The following PBX3 variants were observed in gnomAD, a reference collection of about 807,000 sequenced individuals.
PBX3 encodes PBX homeobox 3, also known as pre-B-cell leukemia transcription factor 3.
A neutral mutation model predicts 48.5 loss-of-function variants in PBX3; 14 were observed. The observed-to-expected ratio is 0.29, with a 90% CI of 0.19 to 0.45. The LOEUF (loss-of-function observed/expected upper bound fraction) is 0.45, where lower values mean the gene tolerates loss of function less well. Among genes scored for constraint, PBX3 ranks in the 20% least tolerant of loss-of-function variants. The pLI is 1.00. For synonymous variants in PBX3, 210 were observed against 200.3 expected (o/e 1.05, Z -0.41); for missense variants, 386 against 546.7 (o/e 0.71, Z 2.93).
intron 8 of PBX3, among the ~76,000 whole-genome samples, chr9:125,964,866 G>A (rs1842498986): frequency 6.6e-6 from 1 of 152,172 alleles, no homozygotes; most frequent in South Asian, 2.1e-4. Context: ...ATGTGAGGGA[G>A]GCAGGAGGCA....
chr9:125,955,661 C>T (rs920194485), intron 5 of PBX3, among the ~76,000 whole-genome samples: 5 of 152,112 alleles, frequency 3.3e-5, no homozygotes, highest in African/African-American at 7.2e-5. Flanking sequence ...TGGATTGAAA[C>T]GGAGGTCCCG....
intron 5 of PBX3, among the ~76,000 whole-genome samples, chr9:125,938,086 C>A (rs1021581179): frequency 1.3e-5 from 2 of 152,134 alleles, no homozygotes; most frequent in Admixed American, 1.3e-4. Flanking sequence ...CCCCTGAAAA[C>A]AGGCAACTGG....
intron 2 of PBX3, among the ~76,000 whole-genome samples, chr9:125,837,974 T>C (rs1195582529): frequency 1.3e-5 from 2 of 152,224 alleles, no homozygotes; most frequent in Admixed American, 1.3e-4. Flanking sequence ...ACTACCCTGT[T>C]GAAATGGTAG....
At chr9:125,801,588 T>G (rs1384982192) in intron 2 of PBX3, among the ~76,000 whole-genome samples, 2 of 152,166 alleles carry the variant, frequency 1.3e-5, no homozygotes, top group Non-Finnish European at 1.5e-5. Flanking sequence ...GATAAAGATT[T>G]TTTGCAGAAA....
At chr9:125,766,828 C>A (rs1836811121) in intron 2 of PBX3, among the ~76,000 whole-genome samples, 1 of 152,028 alleles carries the variant, frequency 6.6e-6, no homozygotes, top group South Asian at 2.1e-4. Context: ...ACAGATGGGT[C>A]ACGTCCAAAG....
At chr9:125,788,276 C>G (rs1223757896) in intron 2 of PBX3, among the ~76,000 whole-genome samples, 1 of 152,156 alleles carries the variant, frequency 6.6e-6, no homozygotes, top group Non-Finnish European at 1.5e-5. Context: ...TTACTAAATT[C>G]TTATTCTGGG....
chr9:125,775,306 G>A (rs905482329), intron 2 of PBX3, among the ~76,000 whole-genome samples: 7 of 152,070 alleles, frequency 4.6e-5, no homozygotes, highest in Admixed American at 2.0e-4. Context: ...TTGTGTGCTC[G>A]TTGGTCATTT....
intron 2 of PBX3, 144 bp from the exon 3 acceptor site, chr9:125,915,542 C>T: frequency 1.6e-6 from 1 of 629,678 alleles, no homozygotes; most frequent in Non-Finnish European, 2.7e-6. Flanking sequence ...ACTTACCGAT[C>T]AAATGTGAAC....
intron 3 of PBX3, among the ~76,000 whole-genome samples, chr9:125,920,337 T>C (rs1244166255): frequency 6.6e-6 from 1 of 152,198 alleles, no homozygotes; most frequent in Non-Finnish European, 1.5e-5. Flanking sequence ...AAAGGACCAC[T>C]GTTAGAATAG....
At chr9:125,937,765 C>T (rs1405520927) in intron 5 of PBX3, among the ~76,000 whole-genome samples, 2 of 152,078 alleles carry the variant, frequency 1.3e-5, no homozygotes, top group Non-Finnish European at 2.9e-5. Flanking sequence ...TGGGCTCAAG[C>T]AATCCTCCTG....
At chr9:125,748,812 G>C (rs778225265) in intron 2 of PBX3, 189 bp downstream of exon 2, 25 of 491,460 alleles carry the variant, frequency 5.1e-5, no homozygotes, top group Non-Finnish European at 8.1e-5. Flanking sequence ...TCTGCTCCTG[G>C]TGTAAAATGA....
At chr9:125,944,892 T>C (rs1271575070) in intron 5 of PBX3, among the ~76,000 whole-genome samples, 1 of 152,162 alleles carries the variant, frequency 6.6e-6, no homozygotes, top group East Asian at 1.9e-4. Context: ...TTTACCTCAC[T>C]GTGCCTCCTT....
intron 2 of PBX3, among the ~76,000 whole-genome samples, chr9:125,890,566 A>G (rs1840616644): frequency 6.6e-6 from 1 of 152,236 alleles, no homozygotes; most frequent in South Asian, 2.1e-4. Flanking sequence ...TGTTGTCACC[A>G]CTGCCTTCCC....
chr9:125,802,693 T>G (rs990960014), intron 2 of PBX3, among the ~76,000 whole-genome samples: 1 of 151,788 alleles, frequency 6.6e-6, no homozygotes, highest in African/African-American at 2.4e-5. Flanking sequence ...TTGTTTGTTT[T>G]TTTGAGACAG....
intron 2 of PBX3, among the ~76,000 whole-genome samples, chr9:125,891,286 T>C (rs1243858789): frequency 6.6e-6 from 1 of 152,216 alleles, no homozygotes; most frequent in Non-Finnish European, 1.5e-5. Context: ...ACTTACAATT[T>C]ATTATTATAG....
At position 125,769,152 on chromosome 9, in the gene PBX3, T is replaced by A. The variant is rs553273218; in HGVS notation, c.274+20529T>A. Among the ~76,000 whole-genome samples the A allele has an allele frequency of 1.1e-4, 16 of 152,278 alleles. No individual in the cohort carries two copies. In the East Asian group the frequency reaches 3.1e-3, roughly 29 times the overall value. On this transcript the variant is annotated intron_variant, in intron 2 of 8. Coordinates refer to ENST00000373489, the MANE Select transcript of PBX3 (RefSeq NM_006195.6). ...CTGTTTCATCAAGGACATTGTGAAG[T>A]GAAACTGGCCTTTAAAAAAAAATTT... is the stretch of plus-strand genomic sequence containing the variant.
At chr9:125,881,547 A>G (rs370132264) in intron 2 of PBX3, among the ~76,000 whole-genome samples, 2 of 152,170 alleles carry the variant, frequency 1.3e-5, no homozygotes, top group East Asian at 1.9e-4. Context: ...TTCTACCAGA[A>G]TCAATTTTTG....
chr9:125,862,965 G>T (rs1252375469), intron 2 of PBX3, among the ~76,000 whole-genome samples: 1 of 152,110 alleles, frequency 6.6e-6, no homozygotes, highest in Non-Finnish European at 1.5e-5. Flanking sequence ...CGTGATCTTG[G>T]CTCACTGCTG....
chr9:125,793,366 A>AAAATATATATATATATATATATAT (rs59271982), intron 2 of PBX3, among the ~76,000 whole-genome samples: 1 of 101,976 alleles, frequency 9.8e-6, no homozygotes, highest in African/African-American at 4.2e-5. Flanking sequence ...GGAAAAAAAA[A>AAAATATATATATATATATATATAT]ATATATATAT....
Sources: gnomAD v4.1 joint callset for allele counts (sites outside exome capture counted in the v4.1 genomes callset) on GRCh38, gnomAD v4.1.1 for gene constraint, MANE v1.5 for transcripts, NCBI Gene and HGNC (gene_info 2026-07-23, HGNC 2026-07-21) for gene names.